ANKRD36: variants seen among roughly 807,000 people sequenced by gnomAD.
ANKRD36 encodes ankyrin repeat domain-containing protein 36A.
A neutral mutation model predicts 278.1 loss-of-function variants in ANKRD36; 179 were observed. The observed-to-expected ratio is 0.64, with a 90% confidence interval of 0.57 to 0.73. ANKRD36 has a LOEUF of 0.73. ANKRD36 is among the 30% of genes least tolerant of loss of function. The pLI, the probability that ANKRD36 is intolerant of heterozygous loss-of-function variation, is 0.00. For missense variants in ANKRD36, 1,159 were observed against 1,956.7 expected, an observed-to-expected ratio of 0.59 and a Z score of 7.69; for synonymous variants, 320 against 641.1, an observed-to-expected ratio of 0.50 and a Z score of 7.57.
intron 40 of ANKRD36, among the ~76,000 whole-genome samples, chr2:97,195,473 C>T (rs928264250): frequency 1.3e-5 from 2 of 151,882 alleles, no homozygotes; most frequent in Admixed American, 1.3e-4. Flanking sequence ...GCATTTGGAA[C>T]ATTTGCATAA....
At chr2:97,126,117 G>C (rs1164894488) in intron 5 of ANKRD36, among the ~76,000 whole-genome samples, 1 of 136,096 alleles carries the variant, frequency 7.3e-6, no homozygotes, top group Non-Finnish European at 1.6e-5. Flanking sequence ...ACTGAGAATG[G>C]AGATAAGTAA....
Position 97,241,296 on chromosome 2 carries a change from CA to C in ANKRD36, c.4125del (p.Cys1377ValfsTer6), listed in dbSNP as rs1210896678. 6.9e-7 allele frequency: 1 copy of C among 1,449,158 alleles called. No homozygotes were observed. The highest frequency in any genetic ancestry group is 9.4e-7 in the Non-Finnish European group (1 of 1,068,304). 89.8% of individuals were successfully genotyped at this position (1,449,158 alleles called of 1,614,324 possible). On this transcript the variant is annotated frameshift_variant, in exon 69 of 76. Coordinates refer to ENST00000420699, the MANE Select transcript of ANKRD36 (RefSeq NM_001354587.1). LOFTEE classifies it high-confidence loss of function. ...GTTCACCTATTGAAAATTAAAAATA[CA>C]TTTTGTTTATGGAAAAGATTAATAA... ...DCVHLLKIKNTFCLWKRLIKL... is the reference protein window; with the variant it reads ...DCVHLLKIKNXFCLWKRLIKL...
chr2:97,131,082 A>G (rs185027122), intron 6 of ANKRD36, among the ~76,000 whole-genome samples: 3 of 152,204 alleles, frequency 2.0e-5, no homozygotes, highest in Admixed American at 2.0e-4. Flanking sequence ...GTTTTAATGT[A>G]AAACACTTTT....
chr2:97,183,046 C>A (rs1158125388), intron 26 of ANKRD36, among the ~76,000 whole-genome samples: 1 of 151,612 alleles, frequency 6.6e-6, no homozygotes, highest in Non-Finnish European at 1.5e-5. Flanking sequence ...TGAATACTTG[C>A]AGTATAATGG....
At chr2:97,260,347 GATATATATATATAT>G (rs71218080) in intron 75 of ANKRD36, among the ~76,000 whole-genome samples, 95 of 117,618 alleles carry the variant, frequency 8.1e-4, no homozygotes, top group East Asian at 3.3e-3. Flanking sequence ...TATTTTAAAA[GATATATATATATAT>G]ATATATATAT....
At chr2:97,136,982 T>G (rs1230144101) in intron 6 of ANKRD36, among the ~76,000 whole-genome samples, 1 of 152,110 alleles carries the variant, frequency 6.6e-6, no homozygotes, top group Non-Finnish European at 1.5e-5. Context: ...AAAAGGGTTC[T>G]TAATTCATTA....
chr2:97,176,116 G>A (rs2054168621), intron 22 of ANKRD36, among the ~76,000 whole-genome samples: 1 of 151,796 alleles, frequency 6.6e-6, no homozygotes, highest in African/African-American at 2.4e-5. Flanking sequence ...TTGGGGTGGA[G>A]AGTTCTGTAG....
chr2:97,135,127 T>G (rs1286742740), intron 6 of ANKRD36, among the ~76,000 whole-genome samples: 1 of 152,034 alleles, frequency 6.6e-6, no homozygotes, highest in Non-Finnish European at 1.5e-5. Context: ...TGCCATAGAA[T>G]AGAGTACAGT....
rs142088125 is a variant in ANKRD36, at chr2:97,178,292, T to G, written c.1634-1446T>G. ...TGGAGATTCCTCAGTGATCTAGAAG[T>G]GGAAATACCATTTGACCCAGCCATC... On this transcript the variant is annotated intron_variant, in intron 22 of 75. Coordinates refer to ENST00000420699, the MANE Select transcript of ANKRD36 (RefSeq NM_001354587.1). Among the ~76,000 whole-genome samples, 643 of 152,018 alleles carry G rather than the reference T, an allele frequency of 4.2e-3. 3 individuals carry two copies. The highest frequency in any genetic ancestry group is 0.014 in the African/African-American group (595 of 41,526).
intron 22 of ANKRD36, among the ~76,000 whole-genome samples, chr2:97,170,946 A>G (rs1216654652): frequency 6.6e-6 from 1 of 150,660 alleles, no homozygotes; most frequent in Non-Finnish European, 1.5e-5. Flanking sequence ...AAACACATGA[A>G]AAAATGCTCA....
At chr2:97,176,484 C>A (rs2054295373) in intron 22 of ANKRD36, among the ~76,000 whole-genome samples, 1 of 144,980 alleles carries the variant, frequency 6.9e-6, no homozygotes, top group African/African-American at 2.5e-5. Context: ...CTTGGTAGAT[C>A]TTCCTCCATC....
At chr2:97,210,843 A>T (rs2064287106) in intron 56 of ANKRD36, among the ~76,000 whole-genome samples, 1 of 151,974 alleles carries the variant, frequency 6.6e-6, no homozygotes, top group African/African-American at 2.4e-5. Flanking sequence ...CAAAGTTGAT[A>T]ATTGATGATA....
chr2:97,206,815 A>G (rs1447136542), intron 52 of ANKRD36, among the ~76,000 whole-genome samples: 1 of 151,542 alleles, frequency 6.6e-6, no homozygotes. Flanking sequence ...GGCATCAGAG[A>G]TACATGTTTT....
At chr2:97,205,890 TC>T (rs1341364035) in intron 50 of ANKRD36, 49 bp from the exon 51 acceptor site, 2 of 1,514,410 alleles carry the variant, frequency 1.3e-6, no homozygotes, top group Non-Finnish European at 1.8e-6. Flanking sequence ...TGTATGGATA[TC>T]TTTATCATAT....
chr2:97,120,796 C>A (rs1197779914), intron 3 of ANKRD36, among the ~76,000 whole-genome samples: 1 of 152,080 alleles, frequency 6.6e-6, no homozygotes, highest in Non-Finnish European at 1.5e-5. Context: ...GGTATATAGT[C>A]CAAATGTGTC....
intron 2 of ANKRD36, 51 bp downstream of exon 2, chr2:97,118,229 T>C (rs899057728): frequency 6.3e-7 from 1 of 1,577,396 alleles, no homozygotes; most frequent in African/African-American, 1.3e-5. Context: ...TTGAAGTACA[T>C]AGGATAAAAT....
intron 67 of ANKRD36, among the ~76,000 whole-genome samples, chr2:97,231,341 G>T (rs1473218542): frequency 4.6e-5 from 7 of 152,162 alleles, no homozygotes; most frequent in Non-Finnish European, 1.0e-4. Context: ...GGCAATGGCA[G>T]GTGCCCCTCC....
chr2:97,170,868 A>G (rs1292085206), intron 22 of ANKRD36, among the ~76,000 whole-genome samples: 2 of 148,868 alleles, frequency 1.3e-5, no homozygotes, highest in Admixed American at 6.8e-5. Flanking sequence ...AAAACAAACA[A>G]CCCCATCAAA....
At chr2:97,144,251 T>G (rs1457172558) in intron 8 of ANKRD36, among the ~76,000 whole-genome samples, 2 of 152,222 alleles carry the variant, frequency 1.3e-5, no homozygotes, top group East Asian at 3.8e-4. Flanking sequence ...ATATCCACAT[T>G]GATATAGACA....
Sources: gnomAD v4.1 joint callset for allele counts (sites outside exome capture counted in the v4.1 genomes callset) on GRCh38, gnomAD v4.1.1 for gene constraint, MANE v1.5 for transcripts, NCBI Gene and HGNC (gene_info 2026-07-23, HGNC 2026-07-21) for gene names.